Variants in DOK1 observed in about 807,000 individuals in gnomAD.
DOK1 encodes Downstream of tyrosine kinase 1.
In DOK1, 12 loss-of-function variants were observed where a neutral mutation model predicts 24.0. The observed-to-expected ratio is 0.50, with a 90% CI of 0.32 to 0.81. The LOEUF is 0.81. Ranked by LOEUF, DOK1 falls within the 30% of genes least tolerant of loss-of-function variation. The probability of loss-of-function intolerance (pLI) is 0.03; values close to 1 mark genes in which losing one functional copy is unlikely to be tolerated. For missense variants in DOK1, 591 were observed against 620.7 expected (o/e 0.95, Z 0.51); for synonymous variants, 250 against 260.9 (o/e 0.96, Z 0.40).
chr2:74,550,733 T>C (rs553270543), upstream of DOK1, among the ~76,000 whole-genome samples: 1 of 152,218 alleles, frequency 6.6e-6, no homozygotes, highest in South Asian at 2.1e-4. Context: ...CAGAACACTG[T>C]TTTATATAAA....
At position 74,556,351 on chromosome 2, in the gene DOK1, C is replaced by T. The variant is rs376797902; in HGVS notation, c.683C>T (p.Pro228Leu). 6 of 1,613,700 alleles carry T rather than the reference C, an allele frequency of 3.7e-6. No homozygotes were observed. The highest frequency in any genetic ancestry group is 4.2e-6 in the Non-Finnish European group (5 of 1,180,000). Residue 228 changes from proline (P) to leucine (L), a missense_variant, in exon 5 of 5, where the codon CCT becomes CTT. Physicochemically the swap from Pro to Leu is moderately conservative, Grantham distance 98 (BLOSUM62 -3). Transcript: ENST00000233668. The surrounding 1 kb of genome is among the most constrained non-coding windows in gnomAD (Gnocchi z 4.1). ...FEAGRRCPSG[P>L]GTFTFQTAQG... ...GCCGGCCGCCGCTGCCCCTCAGGCC[C>T]TGGAACCTTCACCTTCCAGACGGCA...
At chr2:74,550,295 C>T, upstream of DOK1, 1 of 1,614,130 alleles carries the variant, frequency 6.2e-7, no homozygotes, top group Middle Eastern at 1.6e-4. Flanking sequence ...GAGGCACATT[C>T]AGTCACACTC....
chr2:74,556,544 C>T lies in DOK1; in HGVS notation c.876C>T (p.Pro292=). 8 of 1,614,188 alleles carry T rather than the reference C, an allele frequency of 5.0e-6. No individual in the cohort carries two copies. The highest frequency in any genetic ancestry group is 6.8e-6 in the Non-Finnish European group (8 of 1,180,034). Residue 292 remains proline, a synonymous_variant, in exon 5 of 5, where the codon CCC becomes CCT. Coordinates refer to ENST00000233668, the MANE Select transcript of DOK1 (RefSeq NM_001381.5). This position sits in a 1 kb window ranked among gnomAD's most constrained non-coding sequence, Gnocchi z 4.1. The part of the protein sequence containing the change: ...PPGPQELLDS[P]PALYAEPLDS... The stretch of plus-strand genomic sequence containing the variant: ...GCCCCCAAGAGCTCCTCGACAGTCC[C>T]CCAGCCCTGTATGCTGAGCCCTTAG...
upstream of DOK1, chr2:74,552,799 G>C (rs1382669740): frequency 1.2e-5 from 8 of 653,476 alleles, no homozygotes; most frequent in East Asian, 2.2e-4. Flanking sequence ...CAGGGACCAA[G>C]AGACAGGGAG....
Position 74,554,721 on chromosome 2 carries a change from G to C in DOK1, c.-34G>C. The C allele has an allele frequency of 1.3e-6, 2 of 1,595,914 alleles. No homozygotes were observed. The highest frequency in any genetic ancestry group is 8.6e-7 in the Non-Finnish European group (1 of 1,166,690). ...GCCTCCCGCCCCGCCTCCCGCCGCA[G>C]GGCCAGGAAGCGCGGAAGGAACCGC... On this transcript the variant is annotated 5_prime_UTR_variant, in exon 1 of 5. Transcript: ENST00000233668. This position sits in a 1 kb window ranked among gnomAD's most constrained non-coding sequence, Gnocchi z 4.9.
upstream of DOK1, chr2:74,549,985 G>T: frequency 1.0e-6 from 1 of 985,466 alleles, no homozygotes; most frequent in Non-Finnish European, 1.2e-6. The surrounding 1 kb of genome is among the most constrained non-coding windows in gnomAD (Gnocchi z 5.3). Context: ...GCTCATGCCA[G>T]GTTTAGCCCC....
upstream of DOK1, chr2:74,549,778 T>C (rs1427669817): frequency 2.8e-6 from 4 of 1,424,774 alleles, no homozygotes; most frequent in African/African-American, 5.8e-5. This position sits in a 1 kb window ranked among gnomAD's most constrained non-coding sequence, Gnocchi z 5.3. Flanking sequence ...GCGTGGGATG[T>C]GCTGTGCTCC....
At position 74,555,492 on chromosome 2, in the gene DOK1, G is replaced by C. The variant is rs1677378521; in HGVS notation, c.360+39G>C. 1.2e-6 allele frequency: 2 copies of C among 1,610,108 alleles called. No homozygotes were observed. The highest frequency in any genetic ancestry group is 1.7e-6 in the Non-Finnish European group (2 of 1,178,580). On this transcript the variant is annotated intron_variant, in intron 2 of 4. Transcript: ENST00000233668. This position sits in a 1 kb window ranked among gnomAD's most constrained non-coding sequence, Gnocchi z 6.1. Reference sequence around the variant, plus strand: ...GCGATGCGGGGTGGGGGCAGTTACAGAGGCAGAGAAATGGGGCTGCCTCAG... The same window carrying C: ...GCGATGCGGGGTGGGGGCAGTTACACAGGCAGAGAAATGGGGCTGCCTCAG...
chr2:74,555,383 C>T lies in DOK1; in HGVS notation c.290C>T (p.Ser97Leu). The T allele has an allele frequency of 2.5e-6, 4 of 1,612,890 alleles. No individual in the cohort carries two copies. Among genetic ancestry groups the T allele is most frequent in the Non-Finnish European group, 3.4e-6 (4 of 1,179,754 alleles). The stretch of plus-strand genomic sequence containing the variant: ...TTCCGCCTGGACACTGCTCAGCGCT[C>T]GCACCTGCTGGCGGCCGACGCGCCG... ...TAFRLDTAQR[S>L]HLLAADAPSS... The change falls in exon 2 of 5, where the codon TCG becomes TTG. Residue 97 changes from serine (S) to leucine (L), a missense_variant. By Grantham distance (145) the Ser-to-Leu change is moderately radical (BLOSUM62 -2). Coordinates refer to ENST00000233668, the MANE Select transcript of DOK1 (RefSeq NM_001381.5). The surrounding 1 kb of genome is among the most constrained non-coding windows in gnomAD (Gnocchi z 6.1).
At chr2:74,552,485 G>A, upstream of DOK1, 1 of 1,613,542 alleles carries the variant, frequency 6.2e-7, no homozygotes. Flanking sequence ...AGGGCTTCCT[G>A]GGGAAGCCAG....
Position 74,555,861 on chromosome 2 carries a change from C to G in DOK1, c.455-33C>G. On this transcript the variant is annotated intron_variant, in intron 3 of 4. Coordinates refer to ENST00000233668, the MANE Select transcript of DOK1 (RefSeq NM_001381.5). The surrounding 1 kb of genome is among the most constrained non-coding windows in gnomAD (Gnocchi z 6.1). ...GTCCCCACTGCTGCCCCCGTCCCTC[C>G]CCCGCAGCTGTCTAATCGTGTATGC... The G allele has an allele frequency of 1.3e-6, 2 of 1,588,356 alleles. No individual in the cohort carries two copies. Among genetic ancestry groups the G allele is most frequent in the Non-Finnish European group, 1.7e-6 (2 of 1,165,960 alleles).
upstream of DOK1, chr2:74,553,775 C>T (rs1677182798): frequency 6.6e-6 from 1 of 152,638 alleles, no homozygotes; most frequent in Non-Finnish European, 1.5e-5. Flanking sequence ...AGTTGGGTGG[C>T]TTCCCCTCGA....
Position 74,555,741 on chromosome 2 carries a change from G to A in DOK1, c.454+73G>A. The A allele has an allele frequency of 6.2e-6, 10 of 1,605,768 alleles. No homozygotes were observed. The South Asian group carries it at 1.1e-4, about 18-fold the overall frequency. On this transcript the variant is annotated intron_variant, in intron 3 of 4. Transcript: ENST00000233668. The surrounding 1 kb of genome is among the most constrained non-coding windows in gnomAD (Gnocchi z 6.1). ...GCCGAGGGCCTTTGGGAAGTGGGTG[G>A]ATACCCAGGGGCCCATGGGGAAGTA...
At position 74,549,523 on chromosome 2, in the gene DOK1, G is replaced by A; in HGVS notation, c.-358+351G>A. 1.1e-5 allele frequency: 18 copies of A among 1,613,322 alleles called. No homozygotes were observed. The highest frequency in any genetic ancestry group is 1.5e-5 in the Non-Finnish European group (18 of 1,179,550). On this transcript the variant is annotated intron_variant, in intron 1 of 4. Transcript: ENST00000409429. The surrounding 1 kb of genome is among the most constrained non-coding windows in gnomAD (Gnocchi z 5.3). ...AGCCCCTCCGTCACGGGCAGGGGTC[G>A]TCTGCCCCACCCAACGGCGGGTCGA...
chr2:74,552,893 T>C (rs1339869530), upstream of DOK1: 2 of 452,198 alleles, frequency 4.4e-6, no homozygotes, highest in African/African-American at 4.0e-5. Flanking sequence ...CTATGAGAGA[T>C]CGAGAGTCAG....
At position 74,556,400 on chromosome 2, in the gene DOK1, A is replaced by C; in HGVS notation, c.732A>C (p.Ala244=). The C allele has an allele frequency of 6.2e-7, 1 of 1,614,086 alleles. No homozygotes were observed. ...QTAQGNDIFQ[A]VETAIHRQKA... is the part of the protein sequence containing the mutation. ...CACAGGGAAATGACATCTTCCAGGC[A>C]GTTGAGACTGCCATCCACCGGCAGA... Residue 244 remains alanine (A), a synonymous_variant, in exon 5 of 5, where the codon GCA becomes GCC. Coordinates refer to ENST00000233668, the MANE Select transcript of DOK1 (RefSeq NM_001381.5). This position sits in a 1 kb window ranked among gnomAD's most constrained non-coding sequence, Gnocchi z 4.1.
chr2:74,554,890 G>A lies in DOK1; in HGVS notation c.60+76G>A. On this transcript the variant is annotated intron_variant, in intron 1 of 4. Coordinates refer to ENST00000233668, the MANE Select transcript of DOK1 (RefSeq NM_001381.5). The surrounding 1 kb of genome is among the most constrained non-coding windows in gnomAD (Gnocchi z 4.9). Reference sequence around the variant, plus strand: ...AGAGCCCAGAAACAGGGAGAGGTGGGCAGCGGGCTGGAGAGCGGCGCCGGG... The same window carrying A: ...AGAGCCCAGAAACAGGGAGAGGTGGACAGCGGGCTGGAGAGCGGCGCCGGG... 2 of 1,590,468 alleles carry A rather than the reference G, an allele frequency of 1.3e-6. No homozygotes were observed. Among genetic ancestry groups the A allele is most frequent in the Non-Finnish European group, 1.7e-6 (2 of 1,167,984 alleles).
rs1406191591 is a variant in DOK1, at chr2:74,556,819, A to C, written c.1151A>C (p.Lys384Thr). Residue 384 changes from lysine to threonine, a missense_variant, in exon 5 of 5, where the codon AAG becomes ACG. By Grantham distance (78) the Lys-to-Thr change is moderately conservative (BLOSUM62 -1). Coordinates refer to ENST00000233668, the MANE Select transcript of DOK1 (RefSeq NM_001381.5). The surrounding 1 kb of genome is among the most constrained non-coding windows in gnomAD (Gnocchi z 4.1). ...QGLYDLPREP[K>T]DAWWCQARVK... ...CTTTATGATCTGCCTCGGGAGCCCA[A>C]GGATGCATGGTGGTGCCAAGCTCGG... The C allele has an allele frequency of 1.2e-6, 2 of 1,614,136 alleles. No individual in the cohort carries two copies. The highest frequency in any genetic ancestry group is 1.7e-6 in the Non-Finnish European group (2 of 1,180,010).
chr2:74,556,052 C>A lies in DOK1; in HGVS notation c.613C>A (p.Leu205Met). 6.2e-7 allele frequency: 1 copy of A among 1,603,306 alleles called. No homozygotes were observed. The highest frequency in any genetic ancestry group is 1.1e-5 in the South Asian group (1 of 89,658). ...GCCACTCCTGTCCTGGCCCTACACTCTGTTGCGTCGCTATGGCCGGGACAA... is the reference window on the plus strand; with the variant it reads ...GCCACTCCTGTCCTGGCCCTACACTATGTTGCGTCGCTATGGCCGGGACAA... ...LEPLLSWPYTLLRRYGRDKVM... is the reference protein window; with the variant it reads ...LEPLLSWPYTMLRRYGRDKVM... Residue 205 changes from leucine to methionine, a missense_variant, in exon 4 of 5, where the codon CTG (leucine) becomes ATG (methionine). Leu to Met is a conservative substitution (Grantham distance 15). Coordinates refer to ENST00000233668, the MANE Select transcript of DOK1 (RefSeq NM_001381.5). The surrounding 1 kb of genome is among the most constrained non-coding windows in gnomAD (Gnocchi z 4.1).
Sources: gnomAD v4.1 joint callset for allele counts (sites outside exome capture counted in the v4.1 genomes callset) on GRCh38, gnomAD v4.1.1 for gene constraint, Gnocchi (gnomAD v3.1) non-coding constraint, MANE v1.5 for transcripts, NCBI Gene and HGNC (gene_info 2026-07-23, HGNC 2026-07-21) for gene names.